Variants in ANXA1 observed in about 807,000 individuals in gnomAD.
ANXA1 encodes the protein annexin A1.
A neutral mutation model predicts 47.9 loss-of-function variants in ANXA1; 39 were observed. The ratio of observed to expected loss-of-function variants is 0.81; its 90% CI spans 0.63 to 1.06. The LOEUF (loss-of-function observed/expected upper bound fraction) is 1.06, where lower values mean the gene tolerates loss of function less well. ANXA1 is among the 50% of genes least tolerant of loss of function. ANXA1 has a pLI of 0.00. For synonymous variants in ANXA1, 146 were observed against 142.5 expected, an observed-to-expected ratio of 1.02 and a Z score of -0.17; for missense variants, 446 against 422.7, an observed-to-expected ratio of 1.06 and a Z score of -0.48.
chr9:73,167,619 A>G, intron 11 of ANXA1, 64 bp downstream of exon 11: 1 of 1,435,000 alleles, frequency 7.0e-7, no homozygotes, highest in Non-Finnish European at 9.6e-7. Flanking sequence ...AGAACAGAAA[A>G]CCTCATGTTG....
chr9:73,155,072 A>G (rs984510835), intron 1 of ANXA1, among the ~76,000 whole-genome samples: 2 of 152,230 alleles, frequency 1.3e-5, no homozygotes, highest in Non-Finnish European at 2.9e-5. Flanking sequence ...ATGCAAAAAA[A>G]TTGCTACGCT....
At chr9:73,161,106 G>A (rs558581870) in intron 6 of ANXA1, among the ~76,000 whole-genome samples, 6 of 152,174 alleles carry the variant, frequency 3.9e-5, no homozygotes, top group East Asian at 1.9e-4. Flanking sequence ...GTCCCAATCC[G>A]CATCAAGCTT....
intron 1 of ANXA1, among the ~76,000 whole-genome samples, chr9:73,152,320 C>T (rs1213755872): frequency 6.6e-6 from 1 of 151,996 alleles, no homozygotes; most frequent in East Asian, 1.9e-4. Flanking sequence ...ATGGGGGCTG[C>T]TTTTTGGGGG....
Position 73,170,219 on chromosome 9 carries a change from A to C in ANXA1, c.*112A>C. On this transcript the variant is annotated 3_prime_UTR_variant, in exon 13 of 13. Transcript: ENST00000257497. ...ACAGGATTACAGTGTAGCTACCTAC[A>C]TGCTGAAAAATATAGCCTTTAAATC... 1.4e-6 allele frequency: 1 copy of C among 716,872 alleles called. No homozygotes were observed. The highest frequency in any genetic ancestry group is 2.8e-5 in the South Asian group (1 of 36,070). The allele number at this position is 716,872 out of a possible 1,614,324, so 44.4% of individuals were successfully genotyped here.
chr9:73,165,251 T>C (rs775956465), intron 9 of ANXA1, 42 bp downstream of exon 9: 5 of 1,530,480 alleles, frequency 3.3e-6, no homozygotes, highest in Admixed American at 3.6e-5. Flanking sequence ...TTATGGAAGA[T>C]GCAATTTTCT....
intron 2 of ANXA1, 45 bp from the exon 3 acceptor site, chr9:73,158,650 G>A (rs1490353672): frequency 8.1e-6 from 13 of 1,608,804 alleles, no homozygotes; most frequent in East Asian, 4.5e-5. Flanking sequence ...AAATAAAAAC[G>A]AATATAAGTA....
rs188620245 is a variant in ANXA1, at chr9:73,170,382, G to A, written c.*275G>A. On this transcript the variant is annotated 3_prime_UTR_variant, in exon 13 of 13. Transcript: ENST00000257497. Reference sequence around the variant, plus strand: ...TCTATGTAGCTGAAAATAAAATGACGTCACAAGACAATTGGTGTGTCATTG... The same window carrying A: ...TCTATGTAGCTGAAAATAAAATGACATCACAAGACAATTGGTGTGTCATTG... 8.6e-5 allele frequency: 23 copies of A among 268,656 alleles called. No homozygotes were observed. The highest frequency in any genetic ancestry group is 7.8e-4 in the Admixed American group (15 of 19,330). The allele number at this position is 268,656 out of a possible 1,614,324, so 16.6% of individuals were successfully genotyped here. A position where few individuals can be genotyped will look rare whatever the true frequency, so the allele number is the denominator to read the frequency against.
intron 12 of ANXA1, 89 bp downstream of exon 12, chr9:73,169,243 T>C: frequency 7.4e-7 from 1 of 1,349,224 alleles, no homozygotes; most frequent in Non-Finnish European, 1.0e-6. Context: ...ATTGTATCTA[T>C]AAATTTAATA....
At chr9:73,155,953 T>A (rs183579834) in intron 1 of ANXA1, among the ~76,000 whole-genome samples, 1 of 146,872 alleles carries the variant, frequency 6.8e-6, no homozygotes, top group African/African-American at 2.6e-5. Flanking sequence ...ATTCAAGTAT[T>A]TTTTAGAAGT....
chr9:73,161,624 C>G lies in ANXA1; in HGVS notation c.475+731C>G, dbSNP rs144416456. ...AGATCTTTCTGCTTGATTCTCATAC[C>G]AAGCATGGAGAATACAATAGCTTTT... On this transcript the variant is annotated intron_variant, in intron 6 of 12. Coordinates refer to ENST00000257497, the MANE Select transcript of ANXA1 (RefSeq NM_000700.3). 2.3e-3 allele frequency among the ~76,000 whole-genome samples: 349 copies of G among 152,090 alleles called. 2 individuals carry two copies. Among genetic ancestry groups the G allele is most frequent in the African/African-American group, 8.1e-3 (336 of 41,510 alleles).
In ANXA1 at chr9:73,159,331, G is replaced by A. The variant is rs774544645; in HGVS notation, c.178G>A (p.Val60Met). The A allele has an allele frequency of 5.0e-6, 8 of 1,612,980 alleles. No individual in the cohort carries two copies. In the Admixed American group the frequency reaches 1.2e-4, roughly 24 times the overall value. Residue 60 changes from valine to methionine, a missense_variant and splice_region_variant, in exon 4 of 13, where the codon GTG (valine) becomes ATG (methionine). By Grantham distance (21) the Val-to-Met change is conservative (BLOSUM62 1). Coordinates refer to ENST00000257497, the MANE Select transcript of ANXA1 (RefSeq NM_000700.3). ...ALHKAIMVKGVDEATIIDILT... is the reference protein window; with the variant it reads ...ALHKAIMVKGMDEATIIDILT... ...GGCTGTTGGCCCTTTATTTCCAGGT[G>A]TGGATGAAGCAACCATCATTGACAT...
At chr9:73,158,284 A>G (rs973734206) in intron 1 of ANXA1, 2 of 430,822 alleles carry the variant, frequency 4.6e-6, no homozygotes, top group Non-Finnish European at 8.6e-6. Flanking sequence ...TTAGAACTGA[A>G]TATGCCAAGA....
intron 9 of ANXA1, 24 bp downstream of exon 9, chr9:73,165,233 G>C (rs17058563): frequency 0.019 from 30,753 of 1,593,732 alleles, 381 homozygotes; most frequent in South Asian, 0.025. Context: ...TCTTTTTCTG[G>C]AATCTGTTTA....
intron 1 of ANXA1, chr9:73,154,330 T>A (rs1389543261): frequency 1.5e-6 from 2 of 1,366,272 alleles, no homozygotes; most frequent in Non-Finnish European, 9.8e-7. Flanking sequence ...GTTAATGAAT[T>A]TGATTCTCAG....
chr9:73,161,834 A>G (rs1824148351), intron 6 of ANXA1, among the ~76,000 whole-genome samples: 1 of 152,170 alleles, frequency 6.6e-6, no homozygotes, highest in South Asian at 2.1e-4. Context: ...TATTTTTCAT[A>G]TGGCCAAGAT....
rs1327545761 is a variant in ANXA1, at chr9:73,169,058, G to T, written c.888G>T (p.Leu296Phe). The T allele has an allele frequency of 6.2e-7, 1 of 1,612,876 alleles. No individual in the cohort carries two copies. The highest frequency in any genetic ancestry group is 1.1e-5 in the South Asian group (1 of 90,914). Residue 296 changes from leucine to phenylalanine, a missense_variant, in exon 12 of 13, where the codon TTG (leucine) becomes TTT (phenylalanine). Coordinates refer to ENST00000257497, the MANE Select transcript of ANXA1 (RefSeq NM_000700.3). ...MKGVGTRHKA[L>F]IRIMVSRSEI... The stretch of plus-strand genomic sequence containing the variant: ...GTGTTGGAACTCGCCATAAGGCATT[G>T]ATCAGGATTATGGTTTCCCGTTCTG...
In ANXA1 at chr9:73,158,428, C is replaced by A. The variant is rs1824083308; in HGVS notation, c.-14-94C>A. ...TGGAAAGTAAGCGCAAGGCTACTCT[C>A]TAATGCTAACTCTTATGTATGTAAG... On this transcript the variant is annotated intron_variant, in intron 1 of 12. Coordinates refer to ENST00000257497, the MANE Select transcript of ANXA1 (RefSeq NM_000700.3). The A allele has an allele frequency of 3.2e-6, 3 of 934,686 alleles. No individual in the cohort carries two copies. In the Admixed American group the frequency reaches 5.8e-5, roughly 18 times the overall value. The allele number at this position is 934,686 out of a possible 1,614,324, so 57.9% of individuals were successfully genotyped here.
intron 12 of ANXA1, 61 bp from the exon 13 acceptor site, chr9:73,169,988 TAA>T: frequency 2.5e-6 from 3 of 1,210,916 alleles, no homozygotes; most frequent in Admixed American, 2.2e-5. Flanking sequence ...CTTCTATAAG[TAA>T]AAAAAAATAG....
intron 11 of ANXA1, chr9:73,168,794 A>G (rs1273266461): frequency 3.4e-6 from 1 of 291,484 alleles, no homozygotes; most frequent in Non-Finnish European, 6.3e-6. Flanking sequence ...GGATGGTGAG[A>G]GATGAGTTAG....
Sources: allele counts gnomAD v4.1 joint callset (sites outside exome capture counted in the v4.1 genomes callset), GRCh38; gene constraint gnomAD v4.1.1; transcripts MANE v1.5; gene names NCBI Gene and HGNC (gene_info 2026-07-23, HGNC 2026-07-21).